P2RX6: variants seen among roughly 807,000 people sequenced by gnomAD.
P2RX6 encodes purinergic receptor P2X 6.
Under a neutral mutation model 54.2 loss-of-function variants are expected in P2RX6, and 62 were observed. The observed-to-expected ratio is 1.14, with a 90% CI of 0.93 to 1.41. The LOEUF (loss-of-function observed/expected upper bound fraction) is 1.41. P2RX6 is among the 40% of genes most tolerant of loss of function. The pLI is 0.00. For missense variants in P2RX6, 541 were observed against 566.3 expected (o/e 0.96, Z 0.45); for synonymous variants, 211 against 231.9 (o/e 0.91, Z 0.82).
In P2RX6 at chr22:21,023,520, A is replaced by G. The variant is rs553659895; in HGVS notation, c.792A>G (p.Val264=). 1 of 1,613,662 alleles carries G rather than the reference A, an allele frequency of 6.2e-7. No homozygotes were observed. The highest frequency in any genetic ancestry group is 1.1e-5 in the South Asian group (1 of 91,056). The part of the protein sequence containing the change: ...FEDLALLGGS[V]GIRVHWDCDL... ...TGTGCTATGTGCAGGGTGGCTCTGTAGGCATCAGAGTTCACTGGGATTGTG... is the reference window on the plus strand; with the variant it reads ...TGTGCTATGTGCAGGGTGGCTCTGTGGGCATCAGAGTTCACTGGGATTGTG... Residue 264 remains valine, a synonymous_variant, in exon 8 of 12, where the codon GTA becomes GTG. Coordinates refer to ENST00000413302, the MANE Select transcript of P2RX6 (RefSeq NM_005446.5).
chr22:21,014,988 A>G (rs377213239), upstream of P2RX6: 1 of 508,016 alleles, frequency 2.0e-6, no homozygotes, highest in East Asian at 3.6e-5. Context: ...GCCAGGGCCC[A>G]GCAAAGGGAA....
chr22:21,024,873 T>TG (rs1473751845), intron 8 of P2RX6, among the ~76,000 whole-genome samples: 6 of 86,742 alleles, frequency 6.9e-5, no homozygotes, highest in African/African-American at 2.2e-4. Context: ...GCCTGTTTTT[T>TG]TTGTGTTTTT....
In P2RX6 at chr22:21,022,719, G is replaced by GC; in HGVS notation, c.435dup (p.Glu146ArgfsTer27). On this transcript the variant is annotated frameshift_variant, in exon 4 of 12. Coordinates refer to ENST00000413302, the MANE Select transcript of P2RX6 (RefSeq NM_005446.5). LOFTEE classifies it high-confidence loss of function. ...GCTAACTGCTGGGTCGACGAGGACT[G>GC]CCCCGAAGGGGAGGGAGGCACACAC... The GC allele has an allele frequency of 6.3e-7, 1 of 1,578,978 alleles. No individual in the cohort carries two copies.
chr22:21,024,333 A>C (rs1441929524), intron 8 of P2RX6, among the ~76,000 whole-genome samples: 1 of 151,088 alleles, frequency 6.6e-6, no homozygotes, highest in Non-Finnish European at 1.5e-5. Flanking sequence ...GCTGGAGTAC[A>C]GTGGCGGGAT....
upstream of P2RX6, among the ~76,000 whole-genome samples, chr22:21,012,101 A>T (rs1386013073): frequency 6.6e-6 from 1 of 152,032 alleles, no homozygotes; most frequent in Non-Finnish European, 1.5e-5. Context: ...CTGCTTTCAT[A>T]GGTCACCCCG....
intron 3 of P2RX6, among the ~76,000 whole-genome samples, chr22:21,022,128 G>C (rs1386155006): frequency 6.6e-6 from 1 of 152,202 alleles, no homozygotes; most frequent in Non-Finnish European, 1.5e-5. Flanking sequence ...AGCACTCTGG[G>C]AGGCTGAGAC....
chr22:21,015,153 G>A (rs1225115745), upstream of P2RX6: 4 of 1,434,950 alleles, frequency 2.8e-6, no homozygotes, highest in Non-Finnish European at 3.7e-6. Context: ...TTCAGCTGCG[G>A]CTGCAGCTGC....
chr22:21,017,124 C>T (rs946800308), intron 2 of P2RX6, among the ~76,000 whole-genome samples: 1 of 152,112 alleles, frequency 6.6e-6, no homozygotes, highest in Non-Finnish European at 1.5e-5. Flanking sequence ...CTCGCCTCCT[C>T]CCTTACTGCT....
rs1430994616 is a variant in P2RX6 at position 21,015,929 on chromosome 22, T to C, written c.165-13T>C. ...CTGGGGACACACCACACTGCCCGAC[T>C]TCTCCTCCCCAGGTGGGCTCTCCTC... On this transcript the variant is annotated splice_polypyrimidine_tract_variant and intron_variant, in intron 1 of 11. Coordinates refer to ENST00000413302, the MANE Select transcript of P2RX6 (RefSeq NM_005446.5). The C allele has an allele frequency of 1.9e-6, 3 of 1,549,332 alleles. No individual in the cohort carries two copies. Among genetic ancestry groups the C allele is most frequent in the Non-Finnish European group, 2.6e-6 (3 of 1,146,730 alleles).
upstream of P2RX6, among the ~76,000 whole-genome samples, chr22:21,014,485 C>T (rs1926006183): frequency 6.6e-6 from 1 of 152,234 alleles, no homozygotes; most frequent in Non-Finnish European, 1.5e-5. Context: ...GCGCCACGGG[C>T]TATGCACTGG....
Position 21,026,267 on chromosome 22 carries a change from G to T in P2RX6, c.1066G>T (p.Asp356Tyr), listed in dbSNP as rs1928435820. ...CCTCTCCCAGGTCACCTTTTTCTGT[G>T]ACCTGCTACTGCTGTATGTGGATAG... Reference protein sequence around the residue: ...AWLGVVTFFCDLLLLYVDREA... With the variant: ...AWLGVVTFFCYLLLLYVDREA... The change falls in exon 11 of 12, where the codon GAC becomes TAC. Residue 356 changes from aspartate to tyrosine, a missense_variant. Physicochemically the swap from Asp to Tyr is radical, Grantham distance 160. Transcript: ENST00000413302. The surrounding 1 kb of genome is among the most constrained non-coding windows in gnomAD (Gnocchi z 4.0). 1 of 1,602,184 alleles carries T rather than the reference G, an allele frequency of 6.2e-7. No homozygotes were observed. The highest frequency in any genetic ancestry group is 2.2e-5 in the East Asian group (1 of 44,582).
In P2RX6 at chr22:21,023,619, G is replaced by A. The variant is rs774299792; in HGVS notation, c.890+1G>A. On this transcript the variant is annotated splice_donor_variant, in intron 8 of 11. Transcript: ENST00000413302. LOFTEE classifies it high-confidence loss of function. ...TGCAGGAGAAGAGCTACAACTTCAGGTGAGGCCCCACTGCTCCCAGTGCCC... is the reference window on the plus strand; with the variant it reads ...TGCAGGAGAAGAGCTACAACTTCAGATGAGGCCCCACTGCTCCCAGTGCCC... 1.3e-6 allele frequency: 2 copies of A among 1,594,062 alleles called. No homozygotes were observed. The highest frequency in any genetic ancestry group is 1.3e-5 in the African/African-American group (1 of 74,702).
chr22:21,012,365 A>C (rs1925784125), upstream of P2RX6, among the ~76,000 whole-genome samples: 1 of 152,086 alleles, frequency 6.6e-6, no homozygotes, highest in Non-Finnish European at 1.5e-5. Context: ...CAGAGGGTCT[A>C]ACTCCACCCC....
Position 21,018,745 on chromosome 22 carries a change from T to G in P2RX6, c.387+685T>G, listed in dbSNP as rs187646333. Reference sequence around the variant, plus strand: ...CTCCTGCCTCAGCCTCCGGAGTAGCTGGTACTACAGGCGCCTGCCACCACG... The same window carrying G: ...CTCCTGCCTCAGCCTCCGGAGTAGCGGGTACTACAGGCGCCTGCCACCACG... On this transcript the variant is annotated intron_variant, in intron 3 of 11. Coordinates refer to ENST00000413302, the MANE Select transcript of P2RX6 (RefSeq NM_005446.5). The G allele has an allele frequency of 5.8e-3, 885 of 152,016 alleles. 6 individuals are homozygous for G. The highest frequency in any genetic ancestry group is 0.014 in the South Asian group (66 of 4,802). 9.4% of individuals were successfully genotyped at this position (152,016 alleles called of 1,614,324 possible). A position where few individuals can be genotyped will look rare whatever the true frequency, so the allele number is the denominator to read the frequency against.
Position 21,027,387 on chromosome 22 carries a change from C to T in P2RX6, c.*770C>T, listed in dbSNP as rs1328696530. On this transcript the variant is annotated 3_prime_UTR_variant, in exon 12 of 12. Transcript: ENST00000413302. ...TTCTTCAGGACCTTCTATATCCCTC[C>T]TCGGTAACCCCCCAGCCCAACCCCT... The T allele has an allele frequency of 6.6e-6, 1 of 152,318 alleles. No individual in the cohort carries two copies. Among genetic ancestry groups the T allele is most frequent in the Non-Finnish European group, 1.5e-5 (1 of 68,202 alleles). The allele number at this position is 152,318 out of a possible 1,614,324, so 9.4% of individuals were successfully genotyped here. A position where few individuals can be genotyped will look rare whatever the true frequency, so the allele number is the denominator to read the frequency against.
rs1284904631 is a variant in P2RX6 at position 21,015,299 on chromosome 22, A to C, written c.125A>C (p.Gln42Pro). 6.4e-7 allele frequency: 1 copy of C among 1,560,368 alleles called. No homozygotes were observed. The highest frequency in any genetic ancestry group is 1.4e-5 in the African/African-American group (1 of 70,726). ...MTRNWRVGAL[Q>P]RLLQFGIVVY... The stretch of plus-strand genomic sequence containing the variant: ...AGGAACTGGCGGGTGGGCGCCCTGC[A>C]GAGGCTGCTGCAGTTTGGGATCGTG... The change falls in exon 1 of 12, where the codon CAG (glutamine) becomes CCG (proline). Residue 42 changes from glutamine (Q) to proline (P), a missense_variant. Around this residue, in one of 2 missense-constraint regions of P2RX6, gnomAD observed 526 missense variants for 531.5 expected, o/e 0.99. Transcript: ENST00000413302.
At chr22:21,015,652 C>G (rs1407602307) in intron 1 of P2RX6, among the ~76,000 whole-genome samples, 1 of 152,084 alleles carries the variant, frequency 6.6e-6, no homozygotes, top group Admixed American at 6.5e-5. Context: ...CCAGCTGTAT[C>G]TCGGGTCAGG....
At chr22:21,024,874 T>G (rs1028350744) in intron 8 of P2RX6, among the ~76,000 whole-genome samples, 40 of 88,046 alleles carry the variant, frequency 4.5e-4, no homozygotes, top group Non-Finnish European at 6.4e-4. Context: ...CCTGTTTTTT[T>G]TGTGTTTTTT....
At chr22:21,022,429 C>T (rs1160230251) in intron 3 of P2RX6, among the ~76,000 whole-genome samples, 2 of 152,170 alleles carry the variant, frequency 1.3e-5, no homozygotes, top group Non-Finnish European at 2.9e-5. Flanking sequence ...CTTTGAAATA[C>T]AGTACTGTAC....
Sources: allele counts gnomAD v4.1 joint callset (sites outside exome capture counted in the v4.1 genomes callset), GRCh38; gene constraint gnomAD v4.1.1; regional missense constraint gnomAD v4.1.1; non-coding constraint Gnocchi (gnomAD v3.1); transcripts MANE v1.5; gene names NCBI Gene and HGNC (gene_info 2026-07-23, HGNC 2026-07-21).